The following ARPC5L variants were observed in gnomAD, a reference collection of about 807,000 sequenced individuals.
ARPC5L encodes the protein actin related protein 2/3 complex subunit 5 like.
In ARPC5L, 4 loss-of-function variants were observed where a neutral mutation model predicts 16.9. The observed-to-expected ratio is 0.24, with a 90% CI of 0.12 to 0.54. The LOEUF is 0.54. ARPC5L is among the 20% of genes least tolerant of loss of function. The pLI is 0.95. For synonymous variants in ARPC5L, 78 were observed against 82.6 expected (o/e 0.94, Z 0.30); for missense variants, 151 against 201.9 (o/e 0.75, Z 1.53).
Position 124,875,152 on chromosome 9 carries a change from G to T in ARPC5L, c.399+1G>T, listed in dbSNP as rs1829414005. 1 of 1,612,284 alleles carries T rather than the reference G, an allele frequency of 6.2e-7. No homozygotes were observed. The highest frequency in any genetic ancestry group is 8.5e-7 in the Non-Finnish European group (1 of 1,178,876). On this transcript the variant is annotated splice_donor_variant, in intron 5 of 5. Transcript: ENST00000353214. LOFTEE classifies it high-confidence loss of function. ...AGTGTTACTCCAGTGGCACGAAAAG[G>T]TATGTGAACGCTGCCACGCGCCCCA...
intron 1 of ARPC5L, among the ~76,000 whole-genome samples, chr9:124,863,164 A>G (rs1249503180): frequency 6.6e-6 from 1 of 151,492 alleles, no homozygotes; most frequent in African/African-American, 2.4e-5. Context: ...TATTTTTTAT[A>G]TATTTTTTGA....
At position 124,877,690 on chromosome 9, in the gene ARPC5L, C is replaced by CTTA. The variant is rs1053364486; in HGVS notation, c.*753_*755dup. On this transcript the variant is annotated 3_prime_UTR_variant, in exon 6 of 6. Coordinates refer to ENST00000353214, the MANE Select transcript of ARPC5L (RefSeq NM_030978.3). ...GATTTGTATGTAATTAATTTTGGAG[C>CTTA]TTATTTAATTAATTTAATAAAGTGC... 1 of 151,610 alleles carries CTTA rather than the reference C, an allele frequency of 6.6e-6. No homozygotes were observed. Among genetic ancestry groups the CTTA allele is most frequent in the African/African-American group, 2.4e-5 (1 of 41,260 alleles). 9.4% of individuals were successfully genotyped at this position (151,610 alleles called of 1,614,324 possible). A position where few individuals can be genotyped will look rare whatever the true frequency, so the allele number is the denominator to read the frequency against.
chr9:124,865,511 C>T lies in ARPC5L; in HGVS notation c.-864+1404C>T, dbSNP rs141804723. Among the ~76,000 whole-genome samples the T allele has an allele frequency of 3.4e-4, 52 of 152,088 alleles. 1 individual carries two copies. In the East Asian group the frequency reaches 8.7e-3, roughly 25 times the overall value. On this transcript the variant is annotated intron_variant, in intron 2 of 5. Coordinates refer to ENST00000353214, the MANE Select transcript of ARPC5L (RefSeq NM_030978.3). ...CTTCAAAATTTACCCAACTTAAGGC[C>T]GGGTGAGGTGGCTCACGTCTGTAAT...
At chr9:124,871,252 G>T (rs562178447) in intron 3 of ARPC5L, among the ~76,000 whole-genome samples, 2 of 152,280 alleles carry the variant, frequency 1.3e-5, no homozygotes, top group East Asian at 3.9e-4. Flanking sequence ...GAAGGAACCC[G>T]GCTGTGCATC....
chr9:124,866,388 A>T (rs1829271102), intron 2 of ARPC5L, among the ~76,000 whole-genome samples: 1 of 151,260 alleles, frequency 6.6e-6, no homozygotes, highest in East Asian at 2.0e-4. Context: ...TGGGCAACAG[A>T]GTGAGGCTCC....
rs200439155 is a variant in ARPC5L, at chr9:124,876,967, T to C, written c.*27T>C. 8.2e-6 allele frequency: 13 copies of C among 1,585,588 alleles called. No individual in the cohort carries two copies. The highest frequency in any genetic ancestry group is 1.7e-4 in the Middle Eastern group (1 of 5,920). The stretch of plus-strand genomic sequence containing the variant: ...AAAAATAAAAAGACTCATGTTACCT[T>C]GAGAAGAATTCTGGATGCCCAGGCT... On this transcript the variant is annotated 3_prime_UTR_variant, in exon 6 of 6. Coordinates refer to ENST00000353214, the MANE Select transcript of ARPC5L (RefSeq NM_030978.3).
At chr9:124,869,477 G>C (rs768139429) in intron 3 of ARPC5L, 38 bp downstream of exon 3, 1 of 1,419,996 alleles carries the variant, frequency 7.0e-7, no homozygotes, top group Non-Finnish European at 9.2e-7. Flanking sequence ...CCTGCGCGCG[G>C]CCTTCTCACC....
At chr9:124,873,396 C>A in intron 3 of ARPC5L, 1 of 445,332 alleles carries the variant, frequency 2.2e-6, no homozygotes, top group Non-Finnish European at 4.2e-6. Context: ...TGCTCAGCAC[C>A]AAGCAGGTGC....
At chr9:124,867,670 G>C (rs979791459) in intron 2 of ARPC5L, among the ~76,000 whole-genome samples, 1 of 152,080 alleles carries the variant, frequency 6.6e-6, no homozygotes, top group Non-Finnish European at 1.5e-5. Context: ...AGTTCCTTCT[G>C]ACCAGGATGT....
rs1829448492 is a variant in ARPC5L, at chr9:124,876,860, C to G, written c.400-18C>G. On this transcript the variant is annotated intron_variant, in intron 5 of 5. Transcript: ENST00000353214. ...AGCCAGGTCTCATCTGACACGTTTT[C>G]TTTTCCTGCCCCCACAGGCCTTAGC... 6.2e-7 allele frequency: 1 copy of G among 1,608,750 alleles called. No homozygotes were observed.
rs1483175762 is a variant in ARPC5L, at chr9:124,876,929, A to C, written c.451A>C (p.Lys151Gln). Residue 151 changes from lysine to glutamine, a missense_variant, in exon 6 of 6, where the codon AAG becomes CAG. Lys to Gln is a moderately conservative substitution (Grantham distance 53). Transcript: ENST00000353214. ...CATTATAAGAGTTCTTACAGCAAGAAAGACTGTTTAAAAAAAATAAAAAGA... is the reference window on the plus strand; with the variant it reads ...CATTATAAGAGTTCTTACAGCAAGACAGACTGTTTAAAAAAAATAAAAAGA... ...GSIIRVLTARKTV is the reference protein window; with the variant it reads ...GSIIRVLTARQTV 1.2e-6 allele frequency: 2 copies of C among 1,612,706 alleles called. No homozygotes were observed. The highest frequency in any genetic ancestry group is 8.5e-7 in the Non-Finnish European group (1 of 1,179,448).
At chr9:124,874,319 T>C (rs1829402077) in intron 4 of ARPC5L, among the ~76,000 whole-genome samples, 1 of 152,214 alleles carries the variant, frequency 6.6e-6, no homozygotes, top group South Asian at 2.1e-4. Flanking sequence ...AGAGGGACGC[T>C]GCAGCCGAGT....
chr9:124,869,305 G>T lies in ARPC5L; in HGVS notation c.15G>T (p.Thr5=). The T allele has an allele frequency of 6.5e-7, 1 of 1,528,878 alleles. No homozygotes were observed. The highest frequency in any genetic ancestry group is 8.8e-7 in the Non-Finnish European group (1 of 1,138,096). 94.7% of individuals were successfully genotyped at this position (1,528,878 alleles called of 1,614,324 possible). Residue 5 remains threonine, a synonymous_variant, in exon 3 of 6, where the codon ACG becomes ACT. Coordinates refer to ENST00000353214, the MANE Select transcript of ARPC5L (RefSeq NM_030978.3). ...GAGCTCCCGCCATGGCCCGGAACAC[G>T]CTGTCCTCGCGCTTCCGCCGGGTGG... MARN[T]LSSRFRRVDI... is the part of the protein sequence containing the mutation.
chr9:124,869,210 C>G lies in ARPC5L; in HGVS notation c.-81C>G, dbSNP rs1025732881. The G allele has an allele frequency of 2.1e-5, 28 of 1,346,076 alleles. No individual in the cohort carries two copies. Among genetic ancestry groups the G allele is most frequent in the Middle Eastern group, 2.8e-4 (1 of 3,568 alleles). 83.4% of individuals were successfully genotyped at this position (1,346,076 alleles called of 1,614,324 possible). On this transcript the variant is annotated 5_prime_UTR_variant, in exon 3 of 6. Coordinates refer to ENST00000353214, the MANE Select transcript of ARPC5L (RefSeq NM_030978.3). Reference sequence around the variant, plus strand: ...CAGCCGGGCAGCCGCTTCCCGCCCCCGAGCAGGAGCCGGTGCGAGCGGAGC... The same window carrying G: ...CAGCCGGGCAGCCGCTTCCCGCCCCGGAGCAGGAGCCGGTGCGAGCGGAGC...
chr9:124,876,894 G>A lies in ARPC5L; in HGVS notation c.416G>A (p.Gly139Glu), dbSNP rs760861040. The A allele has an allele frequency of 6.2e-7, 1 of 1,613,598 alleles. No homozygotes were observed. Among genetic ancestry groups the A allele is most frequent in the Admixed American group, 1.7e-5 (1 of 59,920 alleles). ...CCCCCACAGGCCTTAGCAGTAGGAG[G>A]ACTAGGCTCCATTATAAGAGTTCTT... ...QWHEKALAVGGLGSIIRVLTA... is the reference protein window; with the variant it reads ...QWHEKALAVGELGSIIRVLTA... Residue 139 changes from glycine to glutamate, a missense_variant, in exon 6 of 6, where the codon GGA (glycine) becomes GAA (glutamate). Gly to Glu is a moderately conservative substitution (Grantham distance 98). Coordinates refer to ENST00000353214, the MANE Select transcript of ARPC5L (RefSeq NM_030978.3).
intron 4 of ARPC5L, among the ~76,000 whole-genome samples, chr9:124,874,307 C>G (rs771465650): frequency 1.6e-4 from 24 of 152,184 alleles, no homozygotes; most frequent in Admixed American, 3.3e-4. Flanking sequence ...GGTGTGAACA[C>G]AAGAGGGACG....
chr9:124,867,797 T>A (rs1049709283), intron 2 of ARPC5L, among the ~76,000 whole-genome samples: 1 of 134,444 alleles, frequency 7.4e-6, no homozygotes, highest in Non-Finnish European at 1.5e-5. Context: ...CTGAGACTTT[T>A]CTTTTCTTTT....
At chr9:124,864,785 T>C (rs1186557996) in intron 2 of ARPC5L, among the ~76,000 whole-genome samples, 1 of 151,082 alleles carries the variant, frequency 6.6e-6, no homozygotes, top group Non-Finnish European at 1.5e-5. Flanking sequence ...ATTACAGGCA[T>C]GAGCCACGGC....
chr9:124,866,497 A>G (rs906844778), intron 2 of ARPC5L, among the ~76,000 whole-genome samples: 2 of 151,470 alleles, frequency 1.3e-5, no homozygotes, highest in African/African-American at 4.9e-5. Flanking sequence ...CGAGGTGGGC[A>G]GATCACCTGA....
Sources: gnomAD v4.1 joint callset for allele counts (sites outside exome capture counted in the v4.1 genomes callset) on GRCh38, gnomAD v4.1.1 for gene constraint, MANE v1.5 for transcripts, NCBI Gene and HGNC (gene_info 2026-07-23, HGNC 2026-07-21) for gene names.